DNAI4: variants seen among roughly 807,000 people sequenced by gnomAD.
The protein encoded by DNAI4 is dynein axonemal intermediate chain 4, also known as WD repeat domain 78.
Under a neutral mutation model 105.8 loss-of-function variants are expected in DNAI4, and 85 were observed. That is an observed-to-expected ratio of 0.80 (90% confidence interval 0.67 to 0.96). The LOEUF (loss-of-function observed/expected upper bound fraction) is 0.96. Ranked by LOEUF, DNAI4 falls within the 40% of genes least tolerant of loss-of-function variation. The pLI is 0.00. For missense variants in DNAI4, 1,014 were observed against 1,005.6 expected, an observed-to-expected ratio of 1.01 and a Z score of -0.11; for synonymous variants, 352 against 331.5, an observed-to-expected ratio of 1.06 and a Z score of -0.67.
chr1:66,893,115 AAG>A lies in DNAI4; in HGVS notation c.530+112_530+113del, dbSNP rs1258558146. 54 of 513,866 alleles carry A rather than the reference AAG, an allele frequency of 1.1e-4. No individual in the cohort carries two copies. The East Asian group carries it at 1.5e-3, about 14-fold the overall frequency. 31.8% of individuals were successfully genotyped at this position (513,866 alleles called of 1,614,324 possible). On this transcript the variant is annotated intron_variant, in intron 3 of 16. Transcript: ENST00000371026. ...AAAGAAAGAAAGAAAGAAAGAAAGA[AAG>A]AAAGAAACTGGGAGACTGGAGACAA...
At chr1:66,912,784 G>T (rs1384499352) in intron 1 of DNAI4, among the ~76,000 whole-genome samples, 1 of 152,140 alleles carries the variant, frequency 6.6e-6, no homozygotes, top group Non-Finnish European at 1.5e-5. Context: ...TAACCACGAA[G>T]GGATTCTGAA....
chr1:66,816,788 A>G (rs187257257), intron 16 of DNAI4, among the ~76,000 whole-genome samples: 41 of 151,028 alleles, frequency 2.7e-4, no homozygotes, highest in African/African-American at 9.5e-4. Context: ...TTTGCCAAAA[A>G]TGTTCAGATT....
At position 66,890,834 on chromosome 1, in the gene DNAI4, GAAGAA is replaced by G; in HGVS notation, c.643+315_643+319del. 1 of 356,850 alleles carries G rather than the reference GAAGAA, an allele frequency of 2.8e-6. No individual in the cohort carries two copies. Among genetic ancestry groups the G allele is most frequent in the Non-Finnish European group, 5.2e-6 (1 of 193,264 alleles). 22.1% of individuals were successfully genotyped at this position (356,850 alleles called of 1,614,324 possible). A position where few individuals can be genotyped will look rare whatever the true frequency, so the allele number is the denominator to read the frequency against. ...GAAAAGAAGAGGAAAAGAGGAAGAG[GAAGAA>G]AAGGAAGAGGAAGAAGAAGAGGAAG... On this transcript the variant is annotated intron_variant, in intron 4 of 16. Coordinates refer to ENST00000371026, the MANE Select transcript of DNAI4 (RefSeq NM_024763.5). This position sits in a 1 kb window ranked among gnomAD's most constrained non-coding sequence, Gnocchi z 4.1.
Position 66,824,921 on chromosome 1 carries a change from T to A in DNAI4, c.2339+1899A>T, listed in dbSNP as rs566916575. Among the ~76,000 whole-genome samples the A allele has an allele frequency of 3.9e-5, 6 of 152,348 alleles. No individual in the cohort carries two copies. The South Asian group carries it at 1.2e-3, about 32-fold the overall frequency. ...CACCAAAGTGGAATAAAATTCTACC[T>A]GCAGAATGCCTTTCTACTCAAGATT... On this transcript the variant is annotated intron_variant, in intron 15 of 16. Coordinates refer to ENST00000371026, the MANE Select transcript of DNAI4 (RefSeq NM_024763.5).
chr1:66,884,151 A>G (rs1344460240), intron 4 of DNAI4, among the ~76,000 whole-genome samples: 2 of 152,232 alleles, frequency 1.3e-5, no homozygotes, highest in Non-Finnish European at 2.9e-5. Context: ...GTTGTCACAA[A>G]TGACAGAATT....
In DNAI4 at chr1:66,874,375, G is replaced by A. The variant is rs189679173; in HGVS notation, c.800+406C>T. Among the ~76,000 whole-genome samples, 51 of 152,154 alleles carry A rather than the reference G, an allele frequency of 3.4e-4. 1 individual carries two copies. The East Asian group carries it at 5.6e-3, about 17-fold the overall frequency. ...CCTAAGTTTTAAATATTAGGTTGGT[G>A]CAAAAGTAATTGCGGTTTGGCTATT... is the stretch of plus-strand genomic sequence containing the variant. On this transcript the variant is annotated intron_variant, in intron 5 of 16. Coordinates refer to ENST00000371026, the MANE Select transcript of DNAI4 (RefSeq NM_024763.5).
In DNAI4 at chr1:66,890,954, C is replaced by T. The variant is rs1176558764; in HGVS notation, c.643+200G>A. 1 of 582,610 alleles carries T rather than the reference C, an allele frequency of 1.7e-6. No individual in the cohort carries two copies. The highest frequency in any genetic ancestry group is 3.1e-6 in the Non-Finnish European group (1 of 327,026). 36.1% of individuals were successfully genotyped at this position (582,610 alleles called of 1,614,324 possible). ...GCTCTAACACAAAGCGCCATTGGTT[C>T]CTCAGGCTGATGATTCAAAACAGTC... On this transcript the variant is annotated intron_variant, in intron 4 of 16. Coordinates refer to ENST00000371026, the MANE Select transcript of DNAI4 (RefSeq NM_024763.5). The surrounding 1 kb of genome is among the most constrained non-coding windows in gnomAD (Gnocchi z 4.1).
intron 13 of DNAI4, 68 bp downstream of exon 13, chr1:66,833,517 A>C (rs149297677): frequency 1.5e-4 from 236 of 1,550,676 alleles, no homozygotes; most frequent in Admixed American, 8.9e-4. Flanking sequence ...GTCTTGTTTT[A>C]TGACTTAATA....
At chr1:66,921,081 T>G (rs1650448077) in intron 1 of DNAI4, among the ~76,000 whole-genome samples, 1 of 152,228 alleles carries the variant, frequency 6.6e-6, no homozygotes. Context: ...ACTGTAAGAC[T>G]ATGAATTTAA....
chr1:66,835,968 A>T (rs1460144254), intron 10 of DNAI4, among the ~76,000 whole-genome samples, 191 bp from the exon 11 acceptor site: 1 of 151,650 alleles, frequency 6.6e-6, no homozygotes, highest in African/African-American at 2.4e-5. Context: ...CCTTTGATAC[A>T]AGTATGAATC....
intron 6 of DNAI4, chr1:66,870,767 A>AG (rs1557943450): frequency 6.6e-6 from 1 of 151,252 alleles, no homozygotes. Flanking sequence ...AAAAAAAAAA[A>AG]AAAAAAAAAA....
At chr1:66,814,269 GT>G in intron 16 of DNAI4, 89 bp from the exon 17 acceptor site, 1 of 962,922 alleles carries the variant, frequency 1.0e-6, no homozygotes, top group Non-Finnish European at 1.6e-6. Context: ...AAATTTATAA[GT>G]TAGTGATACA....
Position 66,840,528 on chromosome 1 carries a change from A to G in DNAI4, c.1435T>C (p.Ser479Pro). 1 of 1,614,212 alleles carries G rather than the reference A, an allele frequency of 6.2e-7. No individual in the cohort carries two copies. Among genetic ancestry groups the G allele is most frequent in the East Asian group, 2.2e-5 (1 of 44,888 alleles). Residue 479 changes from serine to proline, a missense_variant, in exon 9 of 17, where the codon TCC (serine) becomes CCC (proline). Physicochemically the swap from Ser to Pro is moderately conservative, Grantham distance 74 (BLOSUM62 -1). Coordinates refer to ENST00000371026, the MANE Select transcript of DNAI4 (RefSeq NM_024763.5). ...TTGAGGCCTTTGGTTAAGTCACAGGAAAAAGACCAAAGTCGTTCCAAGTTG... is the reference window on the plus strand; with the variant it reads ...TTGAGGCCTTTGGTTAAGTCACAGGGAAAAGACCAAAGTCGTTCCAAGTTG... ...PANLERLWSF[S>P]CDLTKGLNVS... is the part of the protein sequence containing the mutation.
At chr1:66,821,146 T>G (rs1358350349) in intron 16 of DNAI4, among the ~76,000 whole-genome samples, 5 of 137,886 alleles carry the variant, frequency 3.6e-5, no homozygotes, top group African/African-American at 1.4e-4. Context: ...TTGCCCAGGC[T>G]GGAGTGCAGT....
At chr1:66,885,164 T>C (rs908319093) in intron 4 of DNAI4, among the ~76,000 whole-genome samples, 4 of 152,268 alleles carry the variant, frequency 2.6e-5, no homozygotes, top group Non-Finnish European at 5.9e-5. Flanking sequence ...CTTTCTGTTA[T>C]GATTTCTAGC....
intron 2 of DNAI4, among the ~76,000 whole-genome samples, chr1:66,898,556 G>C (rs1270350037): frequency 6.6e-6 from 1 of 152,086 alleles, no homozygotes; most frequent in African/African-American, 2.4e-5. Flanking sequence ...ATAAAAGTCA[G>C]TTTCTCCATC....
chr1:66,920,697 C>T (rs1035775735), intron 1 of DNAI4, among the ~76,000 whole-genome samples: 3 of 152,178 alleles, frequency 2.0e-5, no homozygotes, highest in Admixed American at 1.3e-4. Flanking sequence ...CTCCAGTTCC[C>T]ACCTGTGAAG....
chr1:66,870,530 C>T (rs181846757), intron 6 of DNAI4, among the ~76,000 whole-genome samples: 36 of 150,506 alleles, frequency 2.4e-4, no homozygotes, highest in African/African-American at 8.8e-4. Context: ...GTGGGCGGAT[C>T]GCCTGAGTTC....
chr1:66,833,933 A>G (rs1252722038), intron 12 of DNAI4, 58 bp downstream of exon 12: 2 of 1,528,566 alleles, frequency 1.3e-6, no homozygotes, highest in Non-Finnish European at 1.7e-6. Flanking sequence ...CACATGGTTA[A>G]CTAGAAAATT....
Sources: allele counts gnomAD v4.1 joint callset (sites outside exome capture counted in the v4.1 genomes callset), GRCh38; gene constraint gnomAD v4.1.1; non-coding constraint Gnocchi (gnomAD v3.1); transcripts MANE v1.5; gene names NCBI Gene and HGNC (gene_info 2026-07-23, HGNC 2026-07-21).